DPP9: variants seen among roughly 807,000 people sequenced by gnomAD.
DPP9 encodes the protein dipeptidyl peptidase 9, also known as dipeptidyl peptidase IV-related protein-2.
DPP9 carries 50 observed loss-of-function variants against 110.7 expected under a neutral mutation model. The ratio of observed to expected loss-of-function variants is 0.45; its 90% confidence interval spans 0.36 to 0.57. The LOEUF (loss-of-function observed/expected upper bound fraction) is 0.57. DPP9 is among the 20% of genes least tolerant of loss of function. The pLI, the probability that DPP9 is intolerant of heterozygous loss-of-function variation, is 0.00. For missense variants in DPP9, 1,022 were observed against 1,217.9 expected (o/e 0.84, Z 2.39); for synonymous variants, 561 against 514.4 (o/e 1.09, Z -1.23).
intron 20 of DPP9, among the ~76,000 whole-genome samples, chr19:4,681,148 T>C (rs1049780217): frequency 1.3e-5 from 2 of 152,124 alleles, no homozygotes; most frequent in African/African-American, 4.8e-5. Flanking sequence ...ACGGAACTTA[T>C]AAACCCATTG....
intron 14 of DPP9, among the ~76,000 whole-genome samples, chr19:4,690,473 C>T (rs1268899950): frequency 1.3e-5 from 2 of 152,214 alleles, no homozygotes; most frequent in African/African-American, 4.8e-5. Context: ...GACAGCGGGG[C>T]ACAAGCTTCC....
chr19:4,695,698 T>C lies in DPP9; in HGVS notation c.1176-143A>G, dbSNP rs1599901190. 1.6e-6 allele frequency: 1 copy of C among 617,548 alleles called. No individual in the cohort carries two copies. Among genetic ancestry groups the C allele is most frequent in the Non-Finnish European group, 2.6e-6 (1 of 389,774 alleles). 38.3% of individuals were successfully genotyped at this position (617,548 alleles called of 1,614,324 possible). ...CTGGCTTCACCTGCACTTGGCCAAG[T>C]AACCCTGCAGCACCCACAGGCTTCC... On this transcript the variant is annotated intron_variant, in intron 11 of 21. Coordinates refer to ENST00000262960, the MANE Select transcript of DPP9 (RefSeq NM_139159.5). The surrounding 1 kb of genome is among the most constrained non-coding windows in gnomAD (Gnocchi z 4.7).
At chr19:4,713,939 G>T (rs1209385514) in intron 4 of DPP9, 142 bp downstream of exon 4, 76 of 1,321,904 alleles carry the variant, frequency 5.7e-5, no homozygotes, top group Non-Finnish European at 7.5e-5. Context: ...GTCTGTGGCT[G>T]AGCCTCGAAG....
In DPP9 at chr19:4,718,339, G is replaced by C. The variant is rs1196056324; in HGVS notation, c.56+1512C>G. Among the ~76,000 whole-genome samples, 2 of 152,198 alleles carry C rather than the reference G, an allele frequency of 1.3e-5. No homozygotes were observed. Among genetic ancestry groups the C allele is most frequent in the South Asian group, 4.1e-4 (2 of 4,830 alleles). On this transcript the variant is annotated intron_variant, in intron 3 of 21. Transcript: ENST00000262960. This position sits in a 1 kb window ranked among gnomAD's most constrained non-coding sequence, Gnocchi z 4.3. The stretch of plus-strand genomic sequence containing the variant: ...TAGAAGGAACTGTAGATTCAGTGCT[G>C]ACTGCAGTTCTGAGTTCAGGCCGAC...
At chr19:4,706,764 C>T (rs1599929375) in intron 4 of DPP9, among the ~76,000 whole-genome samples, 2 of 152,164 alleles carry the variant, frequency 1.3e-5, no homozygotes, top group Admixed American at 1.3e-4. Context: ...TGCAGTGAGC[C>T]GAGATTGCGC....
intron 5 of DPP9, among the ~76,000 whole-genome samples, chr19:4,705,251 G>A (rs1432438857): frequency 6.6e-6 from 1 of 152,138 alleles, no homozygotes; most frequent in Non-Finnish European, 1.5e-5. Context: ...TTAGAGACTG[G>A]GATTCGCTGT....
chr19:4,721,393 G>A (rs950139388), intron 2 of DPP9, among the ~76,000 whole-genome samples: 3 of 152,208 alleles, frequency 2.0e-5, no homozygotes, highest in Admixed American at 6.5e-5. Flanking sequence ...CTTGGATGCC[G>A]TCTAAAGTCA....
At position 4,695,180 on chromosome 19, in the gene DPP9, G is replaced by A. The variant is rs1328155069; in HGVS notation, c.1353+198C>T. 3.4e-6 allele frequency: 2 copies of A among 591,712 alleles called. No individual in the cohort carries two copies. Among genetic ancestry groups the A allele is most frequent in the Non-Finnish European group, 2.9e-6 (1 of 344,900 alleles). The allele number at this position is 591,712 out of a possible 1,614,324, so 36.7% of individuals were successfully genotyped here. A position where few individuals can be genotyped will look rare whatever the true frequency, so the allele number is the denominator to read the frequency against. ...AAGAAAAAAATAGATGAGGGGAGAG[G>A]CTCCAATGGCTGCCAGACTCACCAA... On this transcript the variant is annotated intron_variant, in intron 12 of 21. Coordinates refer to ENST00000262960, the MANE Select transcript of DPP9 (RefSeq NM_139159.5). The surrounding 1 kb of genome is among the most constrained non-coding windows in gnomAD (Gnocchi z 4.7).
chr19:4,708,948 C>T (rs1048143558), intron 4 of DPP9, among the ~76,000 whole-genome samples: 1 of 152,304 alleles, frequency 6.6e-6, no homozygotes, highest in African/African-American at 2.4e-5. Context: ...GAGAGAGTCT[C>T]GCACTGTCAC....
rs777273279 is a variant in DPP9 at position 4,714,179 on chromosome 19, T to G, written c.215A>C (p.Lys72Thr). The change falls in exon 4 of 22, where the codon AAG (lysine) becomes ACG (threonine). Residue 72 changes from lysine (K) to threonine (T), a missense_variant. Lys to Thr is a moderately conservative substitution (Grantham distance 78). Transcript: ENST00000262960. Reference sequence around the variant, plus strand: ...CTTGTTGACAATGAGGCCCGAGTACTTGCGGCTGCCGTGGATGATGCTCCG... The same window carrying G: ...CTTGTTGACAATGAGGCCCGAGTACGTGCGGCTGCCGTGGATGATGCTCCG... ...GLRSIIHGSR[K>T]YSGLIVNKAP... The G allele has an allele frequency of 6.2e-7, 1 of 1,612,092 alleles. No homozygotes were observed. Among genetic ancestry groups the G allele is most frequent in the Admixed American group, 1.7e-5 (1 of 59,822 alleles).
chr19:4,704,115 C>G lies in DPP9; in HGVS notation c.600+16G>C. 6.2e-7 allele frequency: 1 copy of G among 1,613,854 alleles called. No individual in the cohort carries two copies. The highest frequency in any genetic ancestry group is 8.5e-7 in the Non-Finnish European group (1 of 1,179,826). ...CCTCCACGCCACCCCCGCACACAGCCAGGGCCAGGGCTCACCATGAAGCCG... is the reference window on the plus strand; with the variant it reads ...CCTCCACGCCACCCCCGCACACAGCGAGGGCCAGGGCTCACCATGAAGCCG... On this transcript the variant is annotated intron_variant, in intron 6 of 21. Transcript: ENST00000262960. The surrounding 1 kb of genome is among the most constrained non-coding windows in gnomAD (Gnocchi z 6.0).
intron 7 of DPP9, 125 bp downstream of exon 7, chr19:4,703,761 G>A (rs1445809526): frequency 2.1e-6 from 2 of 960,654 alleles, no homozygotes; most frequent in Non-Finnish European, 3.1e-6. Flanking sequence ...GCTACAGAAG[G>A]TATGCACGGG....
In DPP9 at chr19:4,690,049, G is replaced by A. The variant is rs541015370; in HGVS notation, c.1597-327C>T. Among the ~76,000 whole-genome samples the A allele has an allele frequency of 6.9e-4, 105 of 152,278 alleles. 1 individual carries two copies. Among genetic ancestry groups the A allele is most frequent in the African/African-American group, 2.5e-3 (102 of 41,560 alleles). On this transcript the variant is annotated intron_variant, in intron 14 of 21. Transcript: ENST00000262960. ...AGGTGGGAAGGCCAGGGAGGGCACC[G>A]TGCCCGAAACAGAGGCTCAGGGAAA...
At chr19:4,719,753 G>A (rs1469644215) in intron 3 of DPP9, 98 bp downstream of exon 3, 10 of 1,380,750 alleles carry the variant, frequency 7.2e-6, no homozygotes, top group Non-Finnish European at 1.0e-5. Context: ...GAAGCCAGGG[G>A]AGAGGGAAAG....
In DPP9 at chr19:4,685,121, T is replaced by G. The variant is rs747438536; in HGVS notation, c.2032-312A>C. The stretch of plus-strand genomic sequence containing the variant: ...GGTGGCTCCTTCTCGGGTGGGGCCA[T>G]CTGGGCACTGCGGGGTGCTGAGAAG... On this transcript the variant is annotated intron_variant, in intron 17 of 21. Transcript: ENST00000262960. This position sits in a 1 kb window ranked among gnomAD's most constrained non-coding sequence, Gnocchi z 5.8. The G allele has an allele frequency of 1.4e-5, 8 of 581,448 alleles. No homozygotes were observed. The highest frequency in any genetic ancestry group is 1.3e-4 in the African/African-American group (7 of 54,380). 36.0% of individuals were successfully genotyped at this position (581,448 alleles called of 1,614,324 possible).
At chr19:4,720,996 C>G (rs1350770107) in intron 2 of DPP9, among the ~76,000 whole-genome samples, 1 of 152,176 alleles carries the variant, frequency 6.6e-6, no homozygotes, top group East Asian at 1.9e-4. Flanking sequence ...GGCAGAGGAT[C>G]ATGGGACGCA....
Position 4,683,530 on chromosome 19 carries a change from A to G in DPP9, c.2278T>C (p.Tyr760His). 1 of 1,613,372 alleles carries G rather than the reference A, an allele frequency of 6.2e-7. No homozygotes were observed. The highest frequency in any genetic ancestry group is 8.5e-7 in the Non-Finnish European group (1 of 1,179,848). The change falls in exon 19 of 22, where the codon TAC becomes CAC. Residue 760 changes from tyrosine (Y) to histidine (H), a missense_variant. Transcript: ENST00000262960. ...LSRVAIHGWS[Y>H]GGFLSLMGLI... Reference sequence around the variant, plus strand: ...CCCATGAGCGAGAGGAAGCCCCCGTAGGACCAGCCATGGATGGCAACTCGG... The same window carrying G: ...CCCATGAGCGAGAGGAAGCCCCCGTGGGACCAGCCATGGATGGCAACTCGG...
At chr19:4,678,699 C>T (rs1165867046) in intron 21 of DPP9, among the ~76,000 whole-genome samples, 1 of 152,100 alleles carries the variant, frequency 6.6e-6, no homozygotes, top group African/African-American at 2.4e-5. Flanking sequence ...TGCCTCCCTC[C>T]TGCTCTGCGG....
intron 4 of DPP9, among the ~76,000 whole-genome samples, chr19:4,708,660 T>C (rs1317872956): frequency 6.6e-6 from 1 of 152,170 alleles, no homozygotes; most frequent in East Asian, 1.9e-4. Context: ...CAGGAGACCA[T>C]TATCCTTAGA....
Sources: gnomAD v4.1 joint callset for allele counts (sites outside exome capture counted in the v4.1 genomes callset) on GRCh38, gnomAD v4.1.1 for gene constraint, Gnocchi (gnomAD v3.1) non-coding constraint, MANE v1.5 for transcripts, NCBI Gene and HGNC (gene_info 2026-07-23, HGNC 2026-07-21) for gene names.